The following CNTNAP5 variants were observed in gnomAD, a reference collection of about 807,000 sequenced individuals.
CNTNAP5 encodes the protein contactin-associated protein-like 5.
In CNTNAP5, 72 loss-of-function variants were observed where a neutral mutation model predicts 150.2. That is an observed-to-expected ratio of 0.48 (90% CI 0.40 to 0.58). The LOEUF is 0.58. Among genes scored for constraint, CNTNAP5 ranks in the 20% least tolerant of loss-of-function variants. The pLI, the probability that CNTNAP5 is intolerant of heterozygous loss-of-function variation, is 0.00. For missense variants in CNTNAP5, 1,636 were observed against 1,626.2 expected (o/e 1.01, Z -0.10); for synonymous variants, 672 against 619.8 (o/e 1.08, Z -1.25).
chr2:124,548,774 C>G (rs751561844), intron 10 of CNTNAP5, among the ~76,000 whole-genome samples: 1 of 152,144 alleles, frequency 6.6e-6, no homozygotes, highest in African/African-American at 2.4e-5. Flanking sequence ...CCTTATTTAG[C>G]GCCCACAAGG....
chr2:124,636,801 G>A (rs1425901020), intron 12 of CNTNAP5, among the ~76,000 whole-genome samples: 2 of 151,774 alleles, frequency 1.3e-5, no homozygotes, highest in Non-Finnish European at 2.9e-5. Flanking sequence ...ATTCCTAAAT[G>A]TCCAAACCTA....
At chr2:124,385,993 G>A (rs937463847) in intron 3 of CNTNAP5, among the ~76,000 whole-genome samples, 2 of 152,096 alleles carry the variant, frequency 1.3e-5, no homozygotes, top group African/African-American at 2.4e-5. Context: ...AGACAACATC[G>A]ATGTTTGTTG....
intron 3 of CNTNAP5, among the ~76,000 whole-genome samples, chr2:124,399,155 A>G (rs1691340500): frequency 6.6e-6 from 1 of 152,140 alleles, no homozygotes; most frequent in Admixed American, 6.5e-5. Flanking sequence ...CTAGGAAGGG[A>G]AAAATTTCAT....
Position 124,166,246 on chromosome 2 carries a change from G to A in CNTNAP5, c.83-55459G>A, listed in dbSNP as rs955565739. On this transcript the variant is annotated intron_variant, in intron 1 of 23. Transcript: ENST00000682447. ...AAACAGGCCATGGGCTGAATGACACGGACTGTTGTTTTGTTTAAAACGAAT... is the reference window on the plus strand; with the variant it reads ...AAACAGGCCATGGGCTGAATGACACAGACTGTTGTTTTGTTTAAAACGAAT... Among the ~76,000 whole-genome samples the A allele has an allele frequency of 8.5e-5, 13 of 152,074 alleles. No individual in the cohort carries two copies. The East Asian group carries it at 1.2e-3, about 14-fold the overall frequency.
At chr2:124,796,714 A>C (rs901254279) in intron 18 of CNTNAP5, among the ~76,000 whole-genome samples, 2 of 152,244 alleles carry the variant, frequency 1.3e-5, no homozygotes, top group African/African-American at 4.8e-5. Flanking sequence ...TGTAGGTGCC[A>C]CTAACTCAAT....
chr2:124,687,989 C>T (rs1437077741), intron 13 of CNTNAP5, among the ~76,000 whole-genome samples: 1 of 152,006 alleles, frequency 6.6e-6, no homozygotes, highest in East Asian at 1.9e-4. Flanking sequence ...TTATGAAACT[C>T]CTGTAGTCAT....
At chr2:124,278,522 A>T (rs1328155691) in intron 3 of CNTNAP5, among the ~76,000 whole-genome samples, 1 of 152,152 alleles carries the variant, frequency 6.6e-6, no homozygotes, top group Non-Finnish European at 1.5e-5. Context: ...ACAGTCAGTG[A>T]GTTCAACATT....
intron 1 of CNTNAP5, among the ~76,000 whole-genome samples, chr2:124,143,798 C>T (rs1294842175): frequency 2.5e-5 from 3 of 120,770 alleles, no homozygotes; most frequent in East Asian, 5.1e-4. Context: ...CCAGGGCAAT[C>T]AGGCAGGAGA....
At chr2:124,542,282 A>G (rs1695405309) in intron 10 of CNTNAP5, among the ~76,000 whole-genome samples, 1 of 148,908 alleles carries the variant, frequency 6.7e-6, no homozygotes, top group South Asian at 2.2e-4. Context: ...GTGTGCATTT[A>G]CTGAGCATCT....
intron 19 of CNTNAP5, among the ~76,000 whole-genome samples, chr2:124,825,596 G>T (rs2104674178): frequency 6.6e-6 from 1 of 152,240 alleles, no homozygotes; most frequent in East Asian, 1.9e-4. Context: ...TTCCTGCTTG[G>T]ATAGGAACTC....
At chr2:124,295,000 G>A (rs902574995) in intron 3 of CNTNAP5, among the ~76,000 whole-genome samples, 1 of 151,968 alleles carries the variant, frequency 6.6e-6, no homozygotes, top group East Asian at 1.9e-4. Flanking sequence ...CAGCTACTCC[G>A]GAGGCTGAGG....
intron 1 of CNTNAP5, among the ~76,000 whole-genome samples, chr2:124,089,921 A>C (rs2104684939): frequency 6.6e-6 from 1 of 152,358 alleles, no homozygotes; most frequent in South Asian, 2.1e-4. Context: ...TTCAGAGCTA[A>C]GAGTGCACAT....
At chr2:124,234,754 C>G (rs1686706178) in intron 2 of CNTNAP5, among the ~76,000 whole-genome samples, 1 of 152,144 alleles carries the variant, frequency 6.6e-6, no homozygotes, top group African/African-American at 2.4e-5. Flanking sequence ...CCATCAGGGC[C>G]TTGATTGCTC....
intron 14 of CNTNAP5, among the ~76,000 whole-genome samples, chr2:124,759,517 T>TTTTTTTTTTTTTTTTTTTTTTTTTTTTTG (rs1261663317): frequency 6.6e-6 from 1 of 150,958 alleles, no homozygotes; most frequent in African/African-American, 2.4e-5. Context: ...GTGGTATTTT[T>TTTTTTTTTTTTTTTTTTTTTTTTTTTTTG]AAAATCAGTT....
At chr2:124,217,530 G>T (rs546271679) in intron 1 of CNTNAP5, among the ~76,000 whole-genome samples, 7 of 152,290 alleles carry the variant, frequency 4.6e-5, no homozygotes, top group Admixed American at 1.3e-4. Context: ...CTGCAGACCT[G>T]CAGAGGAGAG....
intron 1 of CNTNAP5, among the ~76,000 whole-genome samples, chr2:124,178,907 G>GTTATTTAT (rs199781615): frequency 6.6e-4 from 93 of 141,162 alleles, no homozygotes; most frequent in African/African-American, 8.9e-4. Flanking sequence ...ATTTTTATTT[G>GTTATTTAT]TTATTTATTT....
chr2:124,183,231 A>G (rs1391296605), intron 1 of CNTNAP5, among the ~76,000 whole-genome samples: 1 of 152,162 alleles, frequency 6.6e-6, no homozygotes, highest in African/African-American at 2.4e-5. Flanking sequence ...GAGCAATTTA[A>G]TGGATGAATG....
chr2:124,619,089 T>C (rs766449327), intron 12 of CNTNAP5, among the ~76,000 whole-genome samples: 6 of 152,156 alleles, frequency 3.9e-5, no homozygotes, highest in Non-Finnish European at 7.3e-5. Context: ...CAAAAGGTAG[T>C]TCTCGGCTTC....
intron 17 of CNTNAP5, among the ~76,000 whole-genome samples, chr2:124,779,059 C>T (rs545014745): frequency 6.6e-6 from 1 of 152,272 alleles, no homozygotes; most frequent in South Asian, 2.1e-4. Flanking sequence ...GTGGTAGGAC[C>T]TTGTAATCTG....
Sources: gnomAD v4.1 joint callset for allele counts (sites outside exome capture counted in the v4.1 genomes callset) on GRCh38, gnomAD v4.1.1 for gene constraint, MANE v1.5 for transcripts, NCBI Gene and HGNC (gene_info 2026-07-23, HGNC 2026-07-21) for gene names.